STXBP6: variants seen among roughly 807,000 people sequenced by gnomAD.
STXBP6 encodes syntaxin-binding protein 6.
In STXBP6, 21 loss-of-function variants were observed where a neutral mutation model predicts 26.9. That is an observed-to-expected ratio of 0.78 (90% CI 0.55 to 1.12). The LOEUF is 1.12. Ranked by LOEUF, STXBP6 falls within the 50% of genes most tolerant of loss-of-function variation. The pLI, the probability that STXBP6 is intolerant of heterozygous loss-of-function variation, is 0.00. For missense variants in STXBP6, 232 were observed against 257.9 expected, an observed-to-expected ratio of 0.90 and a Z score of 0.69; for synonymous variants, 97 against 92.6, an observed-to-expected ratio of 1.05 and a Z score of -0.27.
chr14:24,971,016 A>C (rs2073890370), intron 2 of STXBP6, among the ~76,000 whole-genome samples: 1 of 152,222 alleles, frequency 6.6e-6, no homozygotes, highest in African/African-American at 2.4e-5. Flanking sequence ...AGTGAGAAAC[A>C]CTCAAATCCT....
rs540030901 is a variant in STXBP6, at chr14:24,898,843, T to G, written c.155-41686A>C. On this transcript the variant is annotated intron_variant, in intron 2 of 5. Coordinates refer to ENST00000323944, the MANE Select transcript of STXBP6 (RefSeq NM_001394410.1). ...TAAATTATACACAAGTATGTGTATATGCATATGCAGACTCCTAGAAAAACC... is the reference window on the plus strand; with the variant it reads ...TAAATTATACACAAGTATGTGTATAGGCATATGCAGACTCCTAGAAAAACC... Among the ~76,000 whole-genome samples the G allele has an allele frequency of 1.6e-4, 25 of 152,348 alleles. No individual in the cohort carries two copies. In the South Asian group the frequency reaches 5.0e-3, roughly 30 times the overall value.
At chr14:25,029,435 G>A (rs909270208) in intron 1 of STXBP6, among the ~76,000 whole-genome samples, 1 of 152,040 alleles carries the variant, frequency 6.6e-6, no homozygotes, top group Non-Finnish European at 1.5e-5. Context: ...TTTTAATTCA[G>A]GTATGTATTT....
chr14:25,050,000 G>A lies in STXBP6; in HGVS notation c.-155C>T, dbSNP rs1044065068. On this transcript the variant is annotated 5_prime_UTR_variant, in exon 1 of 6. Transcript: ENST00000323944. This position sits in a 1 kb window ranked among gnomAD's most constrained non-coding sequence, Gnocchi z 5.6. ...GCTCCGGACAAGGCTTAGCCGGCCC[G>A]GGTGCTGGCTCGCCGCCGCTCGCGG... The A allele has an allele frequency of 2.0e-6, 1 of 498,572 alleles. No homozygotes were observed. The highest frequency in any genetic ancestry group is 2.6e-6 in the Non-Finnish European group (1 of 385,384). The allele number at this position is 498,572 out of a possible 1,614,324, so 30.9% of individuals were successfully genotyped here.
At chr14:24,841,302 T>C (rs1455296939) in intron 4 of STXBP6, among the ~76,000 whole-genome samples, 1 of 152,238 alleles carries the variant, frequency 6.6e-6, no homozygotes, top group African/African-American at 2.4e-5. Context: ...CTCTTGTTGC[T>C]GGGAACAAGC....
chr14:25,009,520 T>C (rs1035655679), intron 1 of STXBP6, among the ~76,000 whole-genome samples: 1 of 152,114 alleles, frequency 6.6e-6, no homozygotes, highest in Non-Finnish European at 1.5e-5. Flanking sequence ...CGTAATCAAA[T>C]GCACAGAAAA....
chr14:24,863,353 C>T (rs1184695726), intron 2 of STXBP6, among the ~76,000 whole-genome samples: 1 of 152,088 alleles, frequency 6.6e-6, no homozygotes, highest in African/African-American at 2.4e-5. Context: ...ATTCTTGAGT[C>T]AGGTGGCTGC....
chr14:25,040,937 C>T (rs2075632676), intron 1 of STXBP6, among the ~76,000 whole-genome samples: 1 of 152,204 alleles, frequency 6.6e-6, no homozygotes, highest in African/African-American at 2.4e-5. Context: ...TCTCATTTCT[C>T]AGTAGTGAAA....
At chr14:24,919,352 T>G (rs2071891982) in intron 2 of STXBP6, among the ~76,000 whole-genome samples, 1 of 151,912 alleles carries the variant, frequency 6.6e-6, no homozygotes, top group African/African-American at 2.4e-5. Flanking sequence ...ACAAACACAC[T>G]GACAGAAATG....
intron 1 of STXBP6, among the ~76,000 whole-genome samples, chr14:24,991,473 ATGT>A (rs1170798994): frequency 6.6e-6 from 1 of 152,176 alleles, no homozygotes; most frequent in African/African-American, 2.4e-5. Context: ...GTGTAATATG[ATGT>A]TGTTAAGAGG....
At chr14:24,907,473 T>C (rs1045259657) in intron 2 of STXBP6, among the ~76,000 whole-genome samples, 3 of 152,224 alleles carry the variant, frequency 2.0e-5, no homozygotes, top group Admixed American at 6.5e-5. Flanking sequence ...AAATGTCTTA[T>C]GGGTATTAGA....
At chr14:24,900,288 G>A (rs886353431) in intron 2 of STXBP6, among the ~76,000 whole-genome samples, 1 of 152,092 alleles carries the variant, frequency 6.6e-6, no homozygotes, top group East Asian at 1.9e-4. Flanking sequence ...AACCCAGGTG[G>A]GGAAACATCA....
intron 2 of STXBP6, among the ~76,000 whole-genome samples, chr14:24,948,119 C>A (rs1421609260): frequency 6.6e-6 from 1 of 152,114 alleles, no homozygotes; most frequent in Non-Finnish European, 1.5e-5. Context: ...GGCGCCAATC[C>A]CACTTCTCTC....
rs1222687055 is a variant in STXBP6 at position 24,810,725 on chromosome 14, ATTG to A, written c.*1981_*1983del. On this transcript the variant is annotated 3_prime_UTR_variant, in exon 6 of 6. Transcript: ENST00000323944. Reference sequence around the variant, plus strand: ...CTACTTTGGAATCAGCTTCCCAAACATTGTTGTTAGAGAGTTGGCAACCACTTC... The same window carrying A: ...CTACTTTGGAATCAGCTTCCCAAACATTGTTAGAGAGTTGGCAACCACTTC... 1 of 152,144 alleles carries A rather than the reference ATTG, an allele frequency of 6.6e-6. No homozygotes were observed. The highest frequency in any genetic ancestry group is 1.9e-4 in the East Asian group (1 of 5,194). 9.4% of individuals were successfully genotyped at this position (152,144 alleles called of 1,614,324 possible).
chr14:24,949,739 T>C (rs28594628), intron 2 of STXBP6, among the ~76,000 whole-genome samples: 85,322 of 151,962 alleles, frequency 0.56, 24,520 homozygotes, highest in Middle Eastern at 0.73. Context: ...AAGTTTCTCT[T>C]CAAATAATGA....
intron 1 of STXBP6, among the ~76,000 whole-genome samples, chr14:24,980,776 A>G (rs2074168854): frequency 6.6e-6 from 1 of 152,084 alleles, no homozygotes; most frequent in African/African-American, 2.4e-5. Flanking sequence ...GGAGCCAGAA[A>G]CTTCTAAACA....
At chr14:24,869,520 A>G (rs2139317732) in intron 2 of STXBP6, among the ~76,000 whole-genome samples, 1 of 152,364 alleles carries the variant, frequency 6.6e-6, no homozygotes, top group Admixed American at 6.5e-5. Flanking sequence ...ATGAAGATTC[A>G]GAACAAAAGA....
intron 2 of STXBP6, among the ~76,000 whole-genome samples, chr14:24,956,635 G>A (rs2073353204): frequency 6.6e-6 from 1 of 152,138 alleles, no homozygotes; most frequent in African/African-American, 2.4e-5. Flanking sequence ...ACCCAACAAA[G>A]ACATTCTAAG....
At chr14:24,999,990 G>C (rs190318937) in intron 1 of STXBP6, among the ~76,000 whole-genome samples, 2 of 152,058 alleles carry the variant, frequency 1.3e-5, no homozygotes, top group African/African-American at 4.8e-5. Flanking sequence ...GAGTTTTTCC[G>C]CTTATAATCC....
At chr14:25,026,970 C>A (rs759731715) in intron 1 of STXBP6, among the ~76,000 whole-genome samples, 10 of 152,162 alleles carry the variant, frequency 6.6e-5, no homozygotes, top group Non-Finnish European at 1.5e-4. Context: ...TGCAAGCATG[C>A]ATACATGCAT....
Sources: allele counts gnomAD v4.1 joint callset (sites outside exome capture counted in the v4.1 genomes callset), GRCh38; gene constraint gnomAD v4.1.1; non-coding constraint Gnocchi (gnomAD v3.1); transcripts MANE v1.5; gene names NCBI Gene and HGNC (gene_info 2026-07-23, HGNC 2026-07-21).